The following ECPAS variants were observed in gnomAD, a reference collection of about 807,000 sequenced individuals.
ECPAS encodes proteasome adapter and scaffold protein ECM29.
ECPAS carries 70 observed loss-of-function variants against 255.1 expected under a neutral mutation model. The observed-to-expected ratio is 0.27, with a 90% CI of 0.23 to 0.33. ECPAS has a LOEUF of 0.33. ECPAS is among the 10% of genes least tolerant of loss of function. The pLI, the probability that ECPAS is intolerant of heterozygous loss-of-function variation, is 1.00. For missense variants in ECPAS, 1,817 were observed against 2,206.4 expected (o/e 0.82, Z 3.54); for synonymous variants, 784 against 775.0 (o/e 1.01, Z -0.19).
At position 111,370,468 on chromosome 9, in the gene ECPAS, C is replaced by T. The variant is rs1564496056; in HGVS notation, c.4941G>A (p.Glu1647=). 1 of 1,606,844 alleles carries T rather than the reference C, an allele frequency of 6.2e-7. No homozygotes were observed. The highest frequency in any genetic ancestry group is 1.3e-5 in the African/African-American group (1 of 74,850). Residue 1647 remains glutamate (E), a synonymous_variant, in exon 45 of 50, where the codon GAG becomes GAA. Coordinates refer to ENST00000684092, the MANE Select transcript of ECPAS (RefSeq NM_001364929.1). ...LKATKEDRFQ[E]FSNIVIPLIK... is the part of the protein sequence containing the mutation. ...TGAGAGGTATGACAATGTTAGAGAA[C>T]TCCTGGAATCTGTCCTCTTTGGTGG...
Position 111,394,270 on chromosome 9 carries a change from C to A in ECPAS, c.2812G>T (p.Asp938Tyr). 1 of 1,596,608 alleles carries A rather than the reference C, an allele frequency of 6.3e-7. No homozygotes were observed. The highest frequency in any genetic ancestry group is 1.8e-4 in the Middle Eastern group (1 of 5,630). ...ATGATATGTTTATTTAAAATCACAT[C>A]CAACACCCATGGAACCACATCATTC... ...KVNDVVPWVLDVILNKHIISP... is the reference protein window; with the variant it reads ...KVNDVVPWVLYVILNKHIISP... Residue 938 changes from aspartate (D) to tyrosine (Y), a missense_variant, in exon 26 of 50, where the codon GAT (aspartate) becomes TAT (tyrosine). Transcript: ENST00000684092.
chr9:111,411,218 T>A, intron 21 of ECPAS, 76 bp from the exon 22 acceptor site: 1 of 1,399,692 alleles, frequency 7.1e-7, no homozygotes, highest in South Asian at 1.3e-5. Context: ...TAACTGTGTG[T>A]CGATTAGGAT....
rs1264824068 is a variant in ECPAS, at chr9:111,420,002, C to T, written c.1559+15G>A. The T allele has an allele frequency of 1.3e-6, 2 of 1,552,126 alleles. No individual in the cohort carries two copies. The highest frequency in any genetic ancestry group is 1.4e-5 in the African/African-American group (1 of 73,448). ...AAATAAACCAAAATTCAAATTAACA[C>T]CTTTTGAAACTTACGGATCTCCTGC... On this transcript the variant is annotated intron_variant, in intron 16 of 49. Coordinates refer to ENST00000684092, the MANE Select transcript of ECPAS (RefSeq NM_001364929.1).
At chr9:111,415,252 T>TGTGTGTGTGA (rs1554788885) in intron 18 of ECPAS, among the ~76,000 whole-genome samples, 4 of 150,222 alleles carry the variant, frequency 2.7e-5, no homozygotes, top group East Asian at 3.9e-4. Flanking sequence ...TGTGTGTGTG[T>TGTGTGTGTGA]GAGAGAGAGA....
chr9:111,395,611 C>CA (rs2098166428), intron 25 of ECPAS, among the ~76,000 whole-genome samples: 1 of 152,108 alleles, frequency 6.6e-6, no homozygotes, highest in South Asian at 2.1e-4. Context: ...TACAAGAGTT[C>CA]AGAGGATGAA....
In ECPAS at chr9:111,384,475, C is replaced by A. The variant is rs774155313; in HGVS notation, c.3681+47G>T. 1.9e-6 allele frequency: 3 copies of A among 1,546,426 alleles called. 1 individual carries two copies. The South Asian group carries it at 3.3e-5, about 17-fold the overall frequency. ...GTAAGTAAATCATTGTCATGGTCAC[C>A]CAGAACCCTGCTCCACTCCATTCCC... is the stretch of plus-strand genomic sequence containing the variant. On this transcript the variant is annotated intron_variant, in intron 34 of 49. Transcript: ENST00000684092.
chr9:111,399,139 C>G (rs544240384), intron 24 of ECPAS, among the ~76,000 whole-genome samples: 45 of 152,178 alleles, frequency 3.0e-4, no homozygotes, highest in African/African-American at 1.1e-3. Context: ...TATCAAAACA[C>G]CTCATGTACC....
intron 35 of ECPAS, among the ~76,000 whole-genome samples, chr9:111,380,330 T>G (rs1200901072): frequency 6.6e-6 from 1 of 152,140 alleles, no homozygotes; most frequent in African/African-American, 2.4e-5. Context: ...TGGTTTTTGT[T>G]TTGTTGTTAT....
intron 46 of ECPAS, among the ~76,000 whole-genome samples, chr9:111,367,763 G>A (rs1047269045): frequency 2.0e-5 from 3 of 151,950 alleles, no homozygotes; most frequent in African/African-American, 4.8e-5. Flanking sequence ...TAATATTGTC[G>A]CTGGGCATGG....
chr9:111,412,452 ACT>A (rs1477133330), intron 20 of ECPAS, among the ~76,000 whole-genome samples: 1 of 152,170 alleles, frequency 6.6e-6, no homozygotes, highest in Non-Finnish European at 1.5e-5. Flanking sequence ...TGCTGCAACT[ACT>A]CCACTCTGCC....
At chr9:111,364,785 G>A (rs544318834) in intron 48 of ECPAS, among the ~76,000 whole-genome samples, 3 of 152,348 alleles carry the variant, frequency 2.0e-5, no homozygotes, top group African/African-American at 4.8e-5. Context: ...GATGGACACT[G>A]TGTGCCTCTT....
At chr9:111,449,770 C>G (rs2098257859) in intron 3 of ECPAS, among the ~76,000 whole-genome samples, 1 of 152,120 alleles carries the variant, frequency 6.6e-6, no homozygotes, top group Non-Finnish European at 1.5e-5. Flanking sequence ...GAGGCACTAC[C>G]ATCAATACCC....
intron 7 of ECPAS, among the ~76,000 whole-genome samples, chr9:111,433,798 T>C (rs1035508097): frequency 1.3e-5 from 2 of 152,180 alleles, no homozygotes; most frequent in Non-Finnish European, 2.9e-5. Context: ...ACTAGGAATA[T>C]AGTGCTCCAT....
In ECPAS at chr9:111,417,982, T is replaced by C; in HGVS notation, c.1584A>G (p.Ala528=). Residue 528 remains alanine (A), a synonymous_variant, in exon 17 of 50, where the codon GCA becomes GCG. Coordinates refer to ENST00000684092, the MANE Select transcript of ECPAS (RefSeq NM_001364929.1). ...GDPREEVHGE[A]QRVLRCLPGR... ...CTGGAAGACACCTTAATACGCGTTG[T>C]GCTTCTCCATGAACTTCTTCACGTC... The C allele has an allele frequency of 1.2e-6, 2 of 1,604,998 alleles. No homozygotes were observed. Among genetic ancestry groups the C allele is most frequent in the Non-Finnish European group, 1.7e-6 (2 of 1,176,548 alleles).
chr9:111,389,030 G>A (rs1244048044), intron 31 of ECPAS, among the ~76,000 whole-genome samples: 1 of 152,224 alleles, frequency 6.6e-6, no homozygotes, highest in Non-Finnish European at 1.5e-5. Flanking sequence ...CAATAAAGAT[G>A]ACATTTACAT....
intron 2 of ECPAS, among the ~76,000 whole-genome samples, chr9:111,469,549 G>A (rs1289333574): frequency 2.0e-5 from 3 of 151,914 alleles, no homozygotes; most frequent in African/African-American, 7.2e-5. Flanking sequence ...GGTGGCTCAC[G>A]CCTGTAATCC....
At chr9:111,366,804 T>G (rs1287804099) in intron 46 of ECPAS, among the ~76,000 whole-genome samples, 177 bp from the exon 47 acceptor site, 1 of 152,110 alleles carries the variant, frequency 6.6e-6, no homozygotes, top group Non-Finnish European at 1.5e-5. Context: ...AATAAATACT[T>G]TTAATTAAAG....
intron 12 of ECPAS, among the ~76,000 whole-genome samples, 170 bp from the exon 13 acceptor site, chr9:111,423,418 C>A (rs908789770): frequency 6.6e-6 from 1 of 152,172 alleles, no homozygotes; most frequent in Non-Finnish European, 1.5e-5. Flanking sequence ...TGAACAACAA[C>A]AAAAATGTCC....
chr9:111,460,220 T>C (rs1394193771), intron 2 of ECPAS, among the ~76,000 whole-genome samples: 1 of 152,146 alleles, frequency 6.6e-6, no homozygotes, highest in Non-Finnish European at 1.5e-5. Flanking sequence ...AACAATCATA[T>C]GATCATCTCA....
Sources: allele counts gnomAD v4.1 joint callset (sites outside exome capture counted in the v4.1 genomes callset), GRCh38; gene constraint gnomAD v4.1.1; transcripts MANE v1.5; gene names NCBI Gene and HGNC (gene_info 2026-07-23, HGNC 2026-07-21).